Variants in KLF12 observed in about 807,000 individuals in gnomAD.
KLF12 encodes KLF transcription factor 12, also known as Krueppel-like factor 12.
A neutral mutation model predicts 37.8 loss-of-function variants in KLF12; 9 were observed. That is an observed-to-expected ratio of 0.24 (90% CI 0.14 to 0.42). The LOEUF is 0.42. KLF12 is among the 10% of genes least tolerant of loss of function. KLF12 has a pLI of 1.00. For missense variants in KLF12, 411 were observed against 516.0 expected, an observed-to-expected ratio of 0.80 and a Z score of 1.97; for synonymous variants, 208 against 202.1, an observed-to-expected ratio of 1.03 and a Z score of -0.25.
the KLF12 span, among the ~76,000 whole-genome samples, chr13:74,213,447 T>C: frequency 6.6e-5 from 10 of 152,212 alleles, no homozygotes; most frequent in African/African-American, 2.4e-4. Flanking sequence ...TTTTCCTTTA[T>C]TTCATTTATA....
intron 6 of KLF12, among the ~76,000 whole-genome samples, chr13:73,726,348 TAC>T (rs547898108): frequency 5.9e-5 from 9 of 152,220 alleles, no homozygotes; most frequent in Non-Finnish European, 1.0e-4. Context: ...TGGCATTCAG[TAC>T]ACTCATATTG....
At chr13:73,914,567 G>T (rs1418765152) in intron 3 of KLF12, among the ~76,000 whole-genome samples, 1 of 152,160 alleles carries the variant, frequency 6.6e-6, no homozygotes, top group Non-Finnish European at 1.5e-5. Context: ...TAATCAGTAT[G>T]AGTTGCACGG....
chr13:73,856,590 T>TG (rs1367691503), intron 3 of KLF12, among the ~76,000 whole-genome samples: 1 of 151,226 alleles, frequency 6.6e-6, no homozygotes, highest in Non-Finnish European at 1.5e-5. Context: ...AGCAGAGGAG[T>TG]GACCCTATAT....
intron 1 of KLF12, among the ~76,000 whole-genome samples, chr13:74,072,214 T>C (rs1874293233): frequency 6.6e-6 from 1 of 151,716 alleles, no homozygotes; most frequent in Non-Finnish European, 1.5e-5. Context: ...ACATTTCTTT[T>C]GTACCTATTA....
chr13:73,743,335 C>G (rs751076912), intron 6 of KLF12, among the ~76,000 whole-genome samples: 1 of 152,198 alleles, frequency 6.6e-6, no homozygotes, highest in Non-Finnish European at 1.5e-5. Context: ...TGTTATTACT[C>G]ACTTTTACAG....
intron 1 of KLF12, among the ~76,000 whole-genome samples, chr13:74,066,528 C>T (rs1873926532): frequency 1.3e-5 from 2 of 151,990 alleles, no homozygotes; most frequent in Non-Finnish European, 2.9e-5. Context: ...CCAACACGCA[C>T]CTGTAGTCCC....
chr13:73,717,030 C>T lies in KLF12; in HGVS notation c.870-1505G>A, dbSNP rs564494728. ...GTCAGTGAACTTTTGCTGTAAAGGG[C>T]TAGATAGTAAATATTTTATTTCAAC... is the stretch of plus-strand genomic sequence containing the variant. On this transcript the variant is annotated intron_variant, in intron 6 of 7. Coordinates refer to ENST00000377669, the MANE Select transcript of KLF12 (RefSeq NM_007249.5). 1.9e-4 allele frequency among the ~76,000 whole-genome samples: 29 copies of T among 152,212 alleles called. 1 individual carries two copies. Among genetic ancestry groups the T allele is most frequent in the Admixed American group, 6.5e-4 (10 of 15,282 alleles).
chr13:73,874,060 C>T (rs1337246998), intron 3 of KLF12, among the ~76,000 whole-genome samples: 1 of 152,166 alleles, frequency 6.6e-6, no homozygotes, highest in African/African-American at 2.4e-5. Flanking sequence ...GGACTGTTCA[C>T]AGGGGAGAAT....
At chr13:73,813,687 A>G (rs1883062980) in intron 4 of KLF12, among the ~76,000 whole-genome samples, 1 of 152,180 alleles carries the variant, frequency 6.6e-6, no homozygotes, top group Non-Finnish European at 1.5e-5. Flanking sequence ...CCTGGAAGGT[A>G]GAGAGCATGC....
chr13:74,241,253 C>T, the KLF12 span, among the ~76,000 whole-genome samples: 2 of 97,188 alleles, frequency 2.1e-5, no homozygotes, highest in Non-Finnish European at 3.6e-5. Context: ...AGTTAGGCTG[C>T]CCGGGGGTCA....
At chr13:73,894,047 G>T (rs1033001683) in intron 3 of KLF12, among the ~76,000 whole-genome samples, 1 of 152,150 alleles carries the variant, frequency 6.6e-6, no homozygotes, top group African/African-American at 2.4e-5. Context: ...AAGGCTGCCC[G>T]AGTTAGTGAG....
At chr13:73,786,021 A>G (rs557078861) in intron 5 of KLF12, among the ~76,000 whole-genome samples, 3 of 152,278 alleles carry the variant, frequency 2.0e-5, no homozygotes, top group African/African-American at 7.2e-5. Context: ...GCTAGCTTCC[A>G]CCAAGCCAAA....
At chr13:74,105,261 TAGC>T (rs1876590924) in intron 1 of KLF12, among the ~76,000 whole-genome samples, 3 of 152,294 alleles carry the variant, frequency 2.0e-5, no homozygotes, top group Non-Finnish European at 4.4e-5. Context: ...ATTCTTAAAA[TAGC>T]AGTATTTTCT....
At chr13:73,884,821 G>T (rs1444069221) in intron 3 of KLF12, among the ~76,000 whole-genome samples, 2 of 152,134 alleles carry the variant, frequency 1.3e-5, no homozygotes, top group African/African-American at 4.8e-5. Flanking sequence ...TATGGTCGAG[G>T]CCATCTTGAT....
rs200744934 is a variant in KLF12, at chr13:74,097,693, T to TATAC, written c.-32+36042_-32+36045dup. ...CAGAATACTTGAAAATACAATTTTA[T>TATAC]ATACATATATATATATGTATTTGTG... On this transcript the variant is annotated intron_variant, in intron 1 of 7. Coordinates refer to ENST00000377669, the MANE Select transcript of KLF12 (RefSeq NM_007249.5). Among the ~76,000 whole-genome samples the TATAC allele has an allele frequency of 4.6e-3, 646 of 140,638 alleles. 9 individuals are homozygous for TATAC. Among genetic ancestry groups the TATAC allele is most frequent in the African/African-American group, 0.017 (603 of 35,744 alleles). 92.3% of individuals were successfully genotyped at this position (140,638 alleles called of 152,430 possible).
the KLF12 span, among the ~76,000 whole-genome samples, chr13:74,155,362 TG>T: frequency 1.5e-5 from 2 of 135,840 alleles, no homozygotes; most frequent in Non-Finnish European, 3.4e-5. Context: ...CTTTTGTTTT[TG>T]TTTTTGTTTT....
At chr13:73,972,382 A>C (rs1417181081) in intron 2 of KLF12, among the ~76,000 whole-genome samples, 1 of 152,004 alleles carries the variant, frequency 6.6e-6, no homozygotes, top group Non-Finnish European at 1.5e-5. Flanking sequence ...CAATTAATAA[A>C]ATTATCAATA....
intron 3 of KLF12, among the ~76,000 whole-genome samples, chr13:73,853,606 G>A (rs1885448493): frequency 6.6e-6 from 1 of 152,158 alleles, no homozygotes; most frequent in South Asian, 2.1e-4. Context: ...GAGTGTGGTG[G>A]TGGGCGCCTG....
chr13:73,808,196 C>A (rs932858689), intron 5 of KLF12, among the ~76,000 whole-genome samples: 1 of 152,028 alleles, frequency 6.6e-6, no homozygotes, highest in African/African-American at 2.4e-5. Context: ...GGTGGGGGAT[C>A]AAGACCAAAA....
Sources: allele counts gnomAD v4.1 joint callset (sites outside exome capture counted in the v4.1 genomes callset), GRCh38; gene constraint gnomAD v4.1.1; transcripts MANE v1.5; gene names NCBI Gene and HGNC (gene_info 2026-07-23, HGNC 2026-07-21).